Variants in VBP1 observed in about 807,000 individuals in gnomAD.
VBP1 encodes the protein prefoldin subunit 3.
VBP1 carries 4 observed loss-of-function variants against 15.5 expected under a neutral mutation model. That is an observed-to-expected ratio of 0.26 (90% CI 0.13 to 0.59). The LOEUF is 0.59. Among genes scored for constraint, VBP1 ranks in the 20% least tolerant of loss-of-function variants. The pLI, the probability that VBP1 is intolerant of heterozygous loss-of-function variation, is 0.90. For synonymous variants in VBP1, 61 were observed against 52.1 expected (o/e 1.17, Z -0.74); for missense variants, 108 against 139.6 (o/e 0.77, Z 1.14).
chrX:155,224,162 C>T (rs1319549227), intron 2 of VBP1, among the ~76,000 whole-genome samples: 2 of 110,764 alleles, frequency 1.8e-5, no homozygotes, highest in Non-Finnish European at 1.9e-5. Flanking sequence ...AGACGATGGG[C>T]GGCCAGGCAG....
chrX:155,197,347 T>G (rs2124021102), intron 1 of VBP1, among the ~76,000 whole-genome samples: 1 of 111,696 alleles, frequency 9.0e-6, no homozygotes, highest in South Asian at 3.7e-4. Context: ...CAGCAATAAT[T>G]AGATGTCTTT....
chrX:155,233,849 A>G (rs782183193), intron 4 of VBP1, among the ~76,000 whole-genome samples: 5 of 111,124 alleles, frequency 4.5e-5, no homozygotes, highest in African/African-American at 1.3e-4. Flanking sequence ...ATCAAGCTAT[A>G]TATTTATGAT....
chrX:155,230,379 A>G (rs927845570), intron 4 of VBP1, among the ~76,000 whole-genome samples: 2 of 111,449 alleles, frequency 1.8e-5, no homozygotes, highest in African/African-American at 3.3e-5. Context: ...TTCAATCCAT[A>G]ATACCTTACT....
intron 2 of VBP1, among the ~76,000 whole-genome samples, chrX:155,224,150 C>A (rs1321454413): frequency 1.8e-5 from 2 of 108,984 alleles, no homozygotes; most frequent in Non-Finnish European, 3.8e-5. Flanking sequence ...TCCTCACATC[C>A]CAGACGATGG....
intron 1 of VBP1, among the ~76,000 whole-genome samples, chrX:155,203,112 T>A (rs370902256): frequency 1.4e-4 from 16 of 111,487 alleles, no homozygotes; most frequent in African/African-American, 2.6e-4. Flanking sequence ...AGGAAACAAC[T>A]GGTGCTGGAG....
At chrX:155,209,487 A>G (rs1324618815) in intron 2 of VBP1, among the ~76,000 whole-genome samples, 1 of 112,644 alleles carries the variant, frequency 8.9e-6, no homozygotes, top group Non-Finnish European at 1.9e-5. Flanking sequence ...GGAAGCTTTC[A>G]AGTACTGAAT....
At chrX:155,202,058 G>C (rs782505574) in intron 1 of VBP1, among the ~76,000 whole-genome samples, 2 of 111,328 alleles carry the variant, frequency 1.8e-5, no homozygotes, top group Non-Finnish European at 1.9e-5. Context: ...TACAAGGGAC[G>C]TGAAGGACCT....
intron 4 of VBP1, among the ~76,000 whole-genome samples, chrX:155,235,101 AGTGT>A (rs781798537): frequency 9.6e-6 from 1 of 104,191 alleles, no homozygotes; most frequent in East Asian, 3.0e-4. Flanking sequence ...CATTTCACCC[AGTGT>A]GTGTGTGTGT....
chrX:155,235,569 T>A (rs1413868357), intron 4 of VBP1, among the ~76,000 whole-genome samples: 1 of 111,749 alleles, frequency 8.9e-6, no homozygotes, highest in Non-Finnish European at 1.9e-5. Context: ...TAACACTAGA[T>A]CTTCAGAATG....
intron 2 of VBP1, 65 bp from the exon 3 acceptor site, chrX:155,227,170 A>G (rs1569560955): frequency 2.0e-6 from 2 of 975,808 alleles, no homozygotes. Flanking sequence ...CAAAGTTAGT[A>G]AGACCGTGTC....
intron 4 of VBP1, 40 bp from the exon 5 acceptor site, chrX:155,236,189 G>A: frequency 8.4e-7 from 1 of 1,191,693 alleles, no homozygotes; most frequent in Non-Finnish European, 1.1e-6. Context: ...ATAAAGCTCT[G>A]TGTAAATATT....
intron 2 of VBP1, among the ~76,000 whole-genome samples, chrX:155,223,351 C>T (rs1001621806): frequency 1.9e-4 from 21 of 108,162 alleles, no homozygotes; most frequent in Admixed American, 1.7e-3. Context: ...TGCCGCCTTC[C>T]GCAGTGTTTG....
intron 1 of VBP1, among the ~76,000 whole-genome samples, chrX:155,217,059 GGAA>G (rs1206518252): frequency 8.9e-6 from 1 of 112,609 alleles, no homozygotes; most frequent in African/African-American, 3.2e-5. Context: ...CTCGGGAAAT[GGAA>G]GAAGAGACCG....
chrX:155,202,027 A>G (rs2074606276), intron 1 of VBP1, among the ~76,000 whole-genome samples: 1 of 111,740 alleles, frequency 8.9e-6, no homozygotes, highest in African/African-American at 3.3e-5. Flanking sequence ...CAAAGAGAAT[A>G]AAATACCTAG....
chrX:155,236,470 T>A, intron 5 of VBP1, 103 bp downstream of exon 5: 1 of 964,373 alleles, frequency 1.0e-6, no homozygotes, highest in Non-Finnish European at 1.4e-6. Context: ...AAATAGCTGA[T>A]GCATGCTGGG....
upstream of VBP1, among the ~76,000 whole-genome samples, chrX:155,214,012 C>A (rs1557308757): frequency 9.0e-6 from 1 of 111,709 alleles, no homozygotes; most frequent in Admixed American, 9.5e-5. Flanking sequence ...GTTTGTCACT[C>A]TAGACTTGAA....
At chrX:155,197,646 G>C (rs907098917) in intron 1 of VBP1, among the ~76,000 whole-genome samples, 1 of 111,995 alleles carries the variant, frequency 8.9e-6, no homozygotes, top group African/African-American at 3.2e-5. Flanking sequence ...GGCCGAATAG[G>C]AACAGCTCCA....
intron 3 of VBP1, among the ~76,000 whole-genome samples, chrX:155,227,632 G>A (rs1304120491): frequency 1.8e-5 from 2 of 112,410 alleles, no homozygotes; most frequent in African/African-American, 6.5e-5. Flanking sequence ...TTTCTTTGTT[G>A]TTGTCTTTCT....
At position 155,223,734 on chromosome X, in the gene VBP1, G is replaced by A. The variant is rs782748959; in HGVS notation, c.218+3427G>A. 6.8e-4 allele frequency among the ~76,000 whole-genome samples: 75 copies of A among 110,823 alleles called. 2 individuals carry two copies. In the East Asian group the frequency reaches 0.019, roughly 29 times the overall value. ...GGGTACACCTCCCAGACGGGGTGGC[G>A]GCCGGGCAGAGGGGCTCCTCACTTC... On this transcript the variant is annotated intron_variant, in intron 2 of 5. Coordinates refer to ENST00000286428, the MANE Select transcript of VBP1 (RefSeq NM_003372.7).
Sources: allele counts gnomAD v4.1 joint callset (sites outside exome capture counted in the v4.1 genomes callset), GRCh38; gene constraint gnomAD v4.1.1; transcripts MANE v1.5; gene names NCBI Gene and HGNC (gene_info 2026-07-23, HGNC 2026-07-21).